The following GSG1L variants were observed in gnomAD, a reference collection of about 807,000 sequenced individuals.
GSG1L encodes GSG1 like.
Under a neutral mutation model 42.1 loss-of-function variants are expected in GSG1L, and 24 were observed. That is an observed-to-expected ratio of 0.57 (90% CI 0.41 to 0.80). The LOEUF is 0.80. Among genes scored for constraint, GSG1L ranks in the 30% least tolerant of loss-of-function variants. GSG1L has a pLI of 0.00. For missense variants in GSG1L, 445 were observed against 472.2 expected (o/e 0.94, Z 0.53); for synonymous variants, 215 against 203.5 (o/e 1.06, Z -0.48).
At chr16:27,807,938 A>G (rs2082986460) in intron 5 of GSG1L, among the ~76,000 whole-genome samples, 1 of 152,252 alleles carries the variant, frequency 6.6e-6, no homozygotes, top group Admixed American at 6.5e-5. Context: ...AAGGCACAGA[A>G]ATTATTTTGG....
intron 2 of GSG1L, among the ~76,000 whole-genome samples, chr16:27,957,677 G>T (rs1024601104): frequency 6.6e-6 from 1 of 152,258 alleles, no homozygotes; most frequent in Admixed American, 6.5e-5. Context: ...TAGACAGCCT[G>T]GTTTAAACAC....
At chr16:27,934,857 C>G (rs1284267729) in intron 2 of GSG1L, among the ~76,000 whole-genome samples, 1 of 152,200 alleles carries the variant, frequency 6.6e-6, no homozygotes, top group Admixed American at 6.5e-5. Context: ...TGCATAACAC[C>G]TGGCTCAGAG....
chr16:27,953,036 T>C (rs765238835), intron 2 of GSG1L, among the ~76,000 whole-genome samples: 2 of 152,264 alleles, frequency 1.3e-5, no homozygotes, highest in Admixed American at 6.5e-5. Context: ...ATGTATTCTT[T>C]TGAATGCAGC....
At chr16:27,927,327 T>TG (rs749868674) in intron 2 of GSG1L, among the ~76,000 whole-genome samples, 29 of 152,170 alleles carry the variant, frequency 1.9e-4, no homozygotes, top group Admixed American at 7.9e-4. Context: ...TTTGTAGAGA[T>TG]GGGGTCTCAC....
intron 6 of GSG1L, among the ~76,000 whole-genome samples, chr16:27,804,037 G>GGATAGATAGAGATA (rs1555500772): frequency 1.1e-4 from 14 of 132,676 alleles, no homozygotes; most frequent in Admixed American, 3.2e-4. Flanking sequence ...TAGATTAGAT[G>GGATAGATAGAGATA]GATAGATAGA....
chr16:27,991,759 T>C (rs1302797731), intron 1 of GSG1L, among the ~76,000 whole-genome samples: 1 of 152,222 alleles, frequency 6.6e-6, no homozygotes, highest in Non-Finnish European at 1.5e-5. Context: ...GTTTTACTTA[T>C]TCTGAGAAAA....
chr16:27,938,471 T>C (rs1396384618), intron 2 of GSG1L, among the ~76,000 whole-genome samples: 1 of 146,066 alleles, frequency 6.8e-6, no homozygotes, highest in Non-Finnish European at 1.5e-5. Context: ...AAGGTTCCCA[T>C]TGAGACAAAT....
intron 1 of GSG1L, among the ~76,000 whole-genome samples, chr16:28,044,066 G>T (rs2086138137): frequency 6.6e-6 from 1 of 152,084 alleles, no homozygotes; most frequent in Non-Finnish European, 1.5e-5. Flanking sequence ...CAAAAATGAT[G>T]ATAATACAAT....
chr16:28,021,989 C>G (rs2085849192), intron 1 of GSG1L, among the ~76,000 whole-genome samples: 1 of 152,202 alleles, frequency 6.6e-6, no homozygotes, highest in South Asian at 2.1e-4. Context: ...CTTTTGTGAC[C>G]TAGCCTGGGA....
chr16:27,997,241 C>T (rs1400826576), intron 1 of GSG1L, among the ~76,000 whole-genome samples: 1 of 151,304 alleles, frequency 6.6e-6, no homozygotes, highest in East Asian at 1.9e-4. Context: ...TCGAAACCAG[C>T]CATGTCAAAT....
At position 27,841,868 on chromosome 16, in the gene GSG1L, A is replaced by G. The variant is rs555273831; in HGVS notation, c.662+3082T>C. Among the ~76,000 whole-genome samples, 623 of 152,280 alleles carry G rather than the reference A, an allele frequency of 4.1e-3. 4 individuals are homozygous for G. The highest frequency in any genetic ancestry group is 0.014 in the African/African-American group (575 of 41,554). Reference sequence around the variant, plus strand: ...GGCTGACACCAGCAGGCTTGACTTGAGACACTGAGCACCAGAGGAGAGAGC... The same window carrying G: ...GGCTGACACCAGCAGGCTTGACTTGGGACACTGAGCACCAGAGGAGAGAGC... On this transcript the variant is annotated intron_variant, in intron 4 of 6. Coordinates refer to ENST00000447459, the MANE Select transcript of GSG1L (RefSeq NM_001109763.2).
chr16:27,959,661 T>A (rs2085047193), intron 2 of GSG1L, among the ~76,000 whole-genome samples: 1 of 152,170 alleles, frequency 6.6e-6, no homozygotes, highest in Non-Finnish European at 1.5e-5. Flanking sequence ...TGCGCACCTG[T>A]AGTCCCAGCT....
chr16:27,969,362 A>G (rs905405131), intron 1 of GSG1L, among the ~76,000 whole-genome samples: 2 of 152,202 alleles, frequency 1.3e-5, no homozygotes, highest in African/African-American at 4.8e-5. Flanking sequence ...ATGTAAATGG[A>G]ATCTTACAAT....
intron 2 of GSG1L, among the ~76,000 whole-genome samples, chr16:27,948,765 G>A (rs1320113598): frequency 3.5e-5 from 5 of 143,286 alleles, no homozygotes; most frequent in South Asian, 4.5e-4. Flanking sequence ...GCCCGCCACC[G>A]CACCCGGCTA....
At chr16:28,060,020 G>A (rs2086323105) in intron 1 of GSG1L, among the ~76,000 whole-genome samples, 1 of 152,162 alleles carries the variant, frequency 6.6e-6, no homozygotes, top group Non-Finnish European at 1.5e-5. Context: ...GCGTTGGAGA[G>A]GAGGGAACAT....
intron 1 of GSG1L, among the ~76,000 whole-genome samples, chr16:28,060,481 C>A (rs1264436992): frequency 6.6e-6 from 1 of 152,116 alleles, no homozygotes; most frequent in Non-Finnish European, 1.5e-5. Flanking sequence ...TGATCTCCAG[C>A]CCACAGTGGC....
At chr16:27,891,331 T>A (rs1331619538) in intron 2 of GSG1L, among the ~76,000 whole-genome samples, 1 of 152,254 alleles carries the variant, frequency 6.6e-6, no homozygotes, top group Non-Finnish European at 1.5e-5. Flanking sequence ...AAAGAATCTC[T>A]GTGTGGTGCT....
At chr16:27,940,826 G>T (rs374147051) in intron 2 of GSG1L, among the ~76,000 whole-genome samples, 1 of 149,958 alleles carries the variant, frequency 6.7e-6, no homozygotes, top group African/African-American at 2.5e-5. Flanking sequence ...CACATTGTGC[G>T]CATGTACCCT....
chr16:28,063,358 C>T lies in GSG1L; in HGVS notation c.67G>A (p.Ala23Thr). 1.4e-6 allele frequency: 2 copies of T among 1,403,646 alleles called. No individual in the cohort carries two copies. Among genetic ancestry groups the T allele is most frequent in the South Asian group, 1.3e-5 (1 of 75,358 alleles). The allele number at this position is 1,403,646 out of a possible 1,614,324, so 86.9% of individuals were successfully genotyped here. ...TGCGTGGTGAGGAAAGCGGTGGTGG[C>T]GAACAGCAGCGCCAGCAGGTTCAGG... ...VALNLLALLF[A>T]TTAFLTTHWC... The change falls in exon 1 of 7, where the codon GCC becomes ACC. Residue 23 changes from alanine to threonine, a missense_variant. By Grantham distance (58) the Ala-to-Thr change is moderately conservative. Around this residue, in one of 3 missense-constraint regions of GSG1L, gnomAD observed 156 missense variants for 128.3 expected, o/e 1.22. Transcript: ENST00000447459. This position sits in a 1 kb window ranked among gnomAD's most constrained non-coding sequence, Gnocchi z 5.8.
Sources: gnomAD v4.1 joint callset for allele counts (sites outside exome capture counted in the v4.1 genomes callset) on GRCh38, gnomAD v4.1.1 for gene constraint, gnomAD v4.1.1 regional missense constraint, Gnocchi (gnomAD v3.1) non-coding constraint, MANE v1.5 for transcripts, NCBI Gene and HGNC (gene_info 2026-07-23, HGNC 2026-07-21) for gene names.